Variants in PLCZ1 observed in about 807,000 individuals in gnomAD.
PLCZ1 encodes 1-phosphatidylinositol 4,5-bisphosphate phosphodiesterase zeta-1.
In PLCZ1, 64 loss-of-function variants were observed where a neutral mutation model predicts 76.8. The ratio of observed to expected loss-of-function variants is 0.83; its 90% CI spans 0.68 to 1.03. The LOEUF is 1.03. Ranked by LOEUF, PLCZ1 falls within the 50% of genes least tolerant of loss-of-function variation. The probability of loss-of-function intolerance (pLI) is 0.00; values close to 1 mark genes in which losing one functional copy is unlikely to be tolerated. For missense variants in PLCZ1, 751 were observed against 713.7 expected, an observed-to-expected ratio of 1.05 and a Z score of -0.60; for synonymous variants, 248 against 230.8, an observed-to-expected ratio of 1.07 and a Z score of -0.68.
chr12:18,680,452 A>G (rs1225124537), downstream of PLCZ1, among the ~76,000 whole-genome samples: 1 of 151,986 alleles, frequency 6.6e-6, no homozygotes, highest in Non-Finnish European at 1.5e-5. Context: ...GAGACAGGGC[A>G]ACTTTACTCT....
At chr12:18,700,698 A>AT in intron 9 of PLCZ1, among the ~76,000 whole-genome samples, 1 of 152,090 alleles carries the variant, frequency 6.6e-6, no homozygotes, top group East Asian at 1.9e-4. Flanking sequence ...ATATCAAGTC[A>AT]TTTTTTAAAC....
intron 3 of PLCZ1, among the ~76,000 whole-genome samples, chr12:18,729,832 A>C (rs964970807): frequency 6.6e-6 from 1 of 152,126 alleles, no homozygotes; most frequent in East Asian, 1.9e-4. Flanking sequence ...AAGATCACAA[A>C]GTTATATTTT....
downstream of PLCZ1, among the ~76,000 whole-genome samples, chr12:18,681,183 C>T (rs76382964): frequency 6.6e-6 from 1 of 151,882 alleles, no homozygotes; most frequent in Non-Finnish European, 1.5e-5. Flanking sequence ...CTCCTAGCAA[C>T]ACTAAAGTCT....
chr12:18,737,524 G>C lies in PLCZ1; in HGVS notation c.-138-15C>G, dbSNP rs1592313469. On this transcript the variant is annotated splice_polypyrimidine_tract_variant and intron_variant, in intron 1 of 14. Coordinates refer to ENST00000266505, the MANE Select transcript of PLCZ1 (RefSeq NM_033123.4). The stretch of plus-strand genomic sequence containing the variant: ...TTACCACTTTTCTAGGGAGAAAGCA[G>C]AGAACACACAGTGGTTTTTTTTGCC... 1.2e-5 allele frequency: 12 copies of C among 1,030,810 alleles called. No homozygotes were observed. In the Middle Eastern group the frequency reaches 6.0e-4, roughly 52 times the overall value. The allele number at this position is 1,030,810 out of a possible 1,614,324, so 63.9% of individuals were successfully genotyped here. A position where few individuals can be genotyped will look rare whatever the true frequency, so the allele number is the denominator to read the frequency against.
chr12:18,683,422 A>C, intron 14 of PLCZ1, 98 bp from the exon 15 acceptor site: 8 of 1,454,786 alleles, frequency 5.5e-6, no homozygotes, highest in Non-Finnish European at 7.6e-6. Flanking sequence ...CTAAGCCTAC[A>C]TTAAAAACCA....
intron 6 of PLCZ1, among the ~76,000 whole-genome samples, chr12:18,711,377 A>C (rs1443262820): frequency 2.2e-5 from 2 of 92,212 alleles, no homozygotes; most frequent in Non-Finnish European, 3.9e-5. Context: ...CACTCTGGGG[A>C]CTGTTGTGGG....
chr12:18,720,370 G>C (rs1323858651), intron 4 of PLCZ1, among the ~76,000 whole-genome samples: 1 of 151,492 alleles, frequency 6.6e-6, no homozygotes, highest in East Asian at 2.0e-4. Flanking sequence ...TTTCTGTATG[G>C]TGCATGCCTA....
chr12:18,696,914 C>T (rs1955140271), intron 10 of PLCZ1, among the ~76,000 whole-genome samples: 2 of 152,106 alleles, frequency 1.3e-5, no homozygotes, highest in Admixed American at 1.3e-4. Context: ...ATAATCTCTA[C>T]GTATTTGTAG....
the PLCZ1 span, among the ~76,000 whole-genome samples, chr12:18,656,739 A>G: frequency 1.3e-4 from 9 of 69,676 alleles, no homozygotes; most frequent in African/African-American, 5.7e-4. Flanking sequence ...TGTCTCAAAC[A>G]ACAGCAACAA....
At chr12:18,702,818 C>T (rs1378727031) in intron 7 of PLCZ1, among the ~76,000 whole-genome samples, 1 of 116,590 alleles carries the variant, frequency 8.6e-6, no homozygotes, top group African/African-American at 3.4e-5. Flanking sequence ...GATAAAGTAA[C>T]TTTTTTTTTT....
Position 18,701,570 on chromosome 12 carries a change from T to C in PLCZ1, c.950-2A>G. On this transcript the variant is annotated splice_acceptor_variant, in intron 8 of 14. Coordinates refer to ENST00000266505, the MANE Select transcript of PLCZ1 (RefSeq NM_033123.4). LOFTEE classifies it high-confidence loss of function. ...CTGTTTCCTTGTCTTGATTGTCTCC[T>C]AAAACAGATTCCAATACTTCTGATT... 1 of 1,613,864 alleles carries C rather than the reference T, an allele frequency of 6.2e-7. No individual in the cohort carries two copies. The highest frequency in any genetic ancestry group is 8.5e-7 in the Non-Finnish European group (1 of 1,179,972).
In PLCZ1 at chr12:18,693,048, A is replaced by C. The variant is rs1480679176; in HGVS notation, c.1461+1862T>G. ...GGAACAAATGAAACCATTAGAAGAAAAGCAAGAAGGGAAAAGATCAAAAGT... is the reference window on the plus strand; with the variant it reads ...GGAACAAATGAAACCATTAGAAGAACAGCAAGAAGGGAAAAGATCAAAAGT... On this transcript the variant is annotated intron_variant, in intron 12 of 14. Transcript: ENST00000266505. The C allele has an allele frequency of 2.0e-6, 3 of 1,472,258 alleles. No homozygotes were observed. In the African/African-American group the frequency reaches 4.2e-5, roughly 21 times the overall value. The allele number at this position is 1,472,258 out of a possible 1,614,324, so 91.2% of individuals were successfully genotyped here. A position where few individuals can be genotyped will look rare whatever the true frequency, so the allele number is the denominator to read the frequency against.
chr12:18,730,369 G>A (rs1009021823), intron 3 of PLCZ1, among the ~76,000 whole-genome samples: 1 of 151,992 alleles, frequency 6.6e-6, no homozygotes, highest in African/African-American at 2.4e-5. Flanking sequence ...ACATTTTAAT[G>A]CATACATGGC....
intron 3 of PLCZ1, among the ~76,000 whole-genome samples, chr12:18,728,641 T>C (rs960073648): frequency 1.3e-5 from 2 of 152,002 alleles, no homozygotes; most frequent in South Asian, 2.1e-4. Context: ...AACAGGGAAA[T>C]TTTTTATAAA....
chr12:18,696,009 C>T, intron 11 of PLCZ1, 141 bp downstream of exon 11: 2 of 544,798 alleles, frequency 3.7e-6, no homozygotes, highest in Non-Finnish European at 6.7e-6. Flanking sequence ...AACACATGAC[C>T]CACCATTAGT....
chr12:18,652,553 G>A, the PLCZ1 span, among the ~76,000 whole-genome samples: 386 of 152,182 alleles, frequency 2.5e-3, no homozygotes, highest in Non-Finnish European at 4.0e-3. Flanking sequence ...TTGTGACAGC[G>A]GTCCTAGCTA....
intron 3 of PLCZ1, among the ~76,000 whole-genome samples, chr12:18,733,761 A>T (rs990461551): frequency 9.9e-5 from 15 of 152,150 alleles, no homozygotes; most frequent in African/African-American, 3.6e-4. Flanking sequence ...TTTGTAGAAG[A>T]TCAGTTGACT....
intron 5 of PLCZ1, 150 bp downstream of exon 5, chr12:18,719,281 G>A (rs181356277): frequency 1.2e-3 from 543 of 438,388 alleles, no homozygotes; most frequent in Non-Finnish European, 1.9e-3. Context: ...GGATCTTCAA[G>A]ATATGTACAA....
chr12:18,716,260 C>A (rs1592238772), intron 5 of PLCZ1, among the ~76,000 whole-genome samples: 4 of 151,836 alleles, frequency 2.6e-5, no homozygotes, highest in South Asian at 2.1e-4. Context: ...GGGGAAAAAA[C>A]CACCAAGAAC....
Sources: gnomAD v4.1 joint callset for allele counts (sites outside exome capture counted in the v4.1 genomes callset) on GRCh38, gnomAD v4.1.1 for gene constraint, MANE v1.5 for transcripts, NCBI Gene and HGNC (gene_info 2026-07-23, HGNC 2026-07-21) for gene names.